The following MMP26 variants were observed in gnomAD, a reference collection of about 807,000 sequenced individuals.
MMP26 encodes the protein matrix metalloproteinase-26.
A neutral mutation model predicts 31.0 loss-of-function variants in MMP26; 33 were observed. The ratio of observed to expected loss-of-function variants is 1.06; its 90% CI spans 0.81 to 1.42. MMP26 has a LOEUF of 1.42. Among genes scored for constraint, MMP26 ranks in the 40% most tolerant of loss-of-function variants. MMP26 has a pLI of 0.00. For missense variants in MMP26, 347 were observed against 316.1 expected, an observed-to-expected ratio of 1.10 and a Z score of -0.74; for synonymous variants, 122 against 114.9, an observed-to-expected ratio of 1.06 and a Z score of -0.40.
chr11:4,915,523 G>T (rs1488085935), intron 2 of MMP26: 6 of 1,614,148 alleles, frequency 3.7e-6, no homozygotes, highest in Non-Finnish European at 5.1e-6. Flanking sequence ...GAATTGTGCA[G>T]TTGCCCGGGA....
intron 2 of MMP26, chr11:4,924,363 A>C (rs1486150172): frequency 1.3e-6 from 2 of 1,561,948 alleles, no homozygotes; most frequent in South Asian, 2.5e-5. Flanking sequence ...TGGACTCAGA[A>C]ACCTGGAATA....
At chr11:4,882,108 C>A in intron 2 of MMP26, 2 of 1,613,980 alleles carry the variant, frequency 1.2e-6, no homozygotes, top group Non-Finnish European at 1.7e-6. Context: ...ATGCTGGCAG[C>A]TGTTGATCTA....
chr11:4,875,836 A>C (rs1850371726), intron 2 of MMP26: 1 of 152,118 alleles, frequency 6.6e-6, no homozygotes, highest in African/African-American at 2.4e-5. Flanking sequence ...TTCCTACCAC[A>C]GTAGGTCTTT....
chr11:4,739,320 G>A (rs1318902272), intron 1 of MMP26, among the ~76,000 whole-genome samples: 2 of 152,236 alleles, frequency 1.3e-5, no homozygotes, highest in African/African-American at 2.4e-5. Flanking sequence ...TTATTGCCAT[G>A]CAGGTGAGGT....
intron 2 of MMP26, among the ~76,000 whole-genome samples, chr11:4,863,166 C>T (rs970075912): frequency 2.0e-5 from 3 of 152,058 alleles, no homozygotes; most frequent in Non-Finnish European, 4.4e-5. Flanking sequence ...CTTGTTTACC[C>T]CTGCTGTTTT....
chr11:4,921,266 A>G (rs1466629843), intron 2 of MMP26, among the ~76,000 whole-genome samples: 2 of 152,206 alleles, frequency 1.3e-5, no homozygotes, highest in Non-Finnish European at 2.9e-5. Flanking sequence ...TGCTATAACC[A>G]AGTTGTCCCA....
At chr11:4,742,813 A>G (rs11033664) in intron 1 of MMP26, among the ~76,000 whole-genome samples, 13,710 of 152,182 alleles carry the variant, frequency 0.09, 1,598 homozygotes, top group African/African-American at 0.28. Context: ...GAAACCTACC[A>G]TTGATAGAAT....
At chr11:4,874,596 A>T (rs1037898658) in intron 2 of MMP26, among the ~76,000 whole-genome samples, 8 of 120,794 alleles carry the variant, frequency 6.6e-5, no homozygotes, top group African/African-American at 2.3e-4. Flanking sequence ...GTGCATTCTT[A>T]ACTGGGAGAC....
intron 1 of MMP26, among the ~76,000 whole-genome samples, chr11:4,766,309 A>G (rs1848628093): frequency 6.6e-6 from 1 of 152,184 alleles, no homozygotes; most frequent in African/African-American, 2.4e-5. Context: ...AGTGGTGGAA[A>G]TGATTGTTCT....
intron 2 of MMP26, among the ~76,000 whole-genome samples, chr11:4,768,249 TGTGATAAATTAGCAA>T (rs1405103212): frequency 2.6e-5 from 4 of 152,224 alleles, no homozygotes; most frequent in Non-Finnish European, 5.9e-5. Context: ...TCCCATTCCC[TGTGATAAATTAGCAA>T]GTGTGCCTCA....
At chr11:4,913,944 C>T (rs1488572903) in intron 2 of MMP26, 1 of 152,162 alleles carries the variant, frequency 6.6e-6, no homozygotes, top group African/African-American at 2.4e-5. Flanking sequence ...AAGACAACTC[C>T]CAAACCAATT....
chr11:4,858,628 A>G (rs1304303308), intron 2 of MMP26, among the ~76,000 whole-genome samples: 1 of 152,222 alleles, frequency 6.6e-6, no homozygotes, highest in African/African-American at 2.4e-5. Context: ...AATTAATATC[A>G]TAAAAATGGC....
chr11:4,891,677 A>G (rs898946506), intron 2 of MMP26, among the ~76,000 whole-genome samples: 1 of 152,188 alleles, frequency 6.6e-6, no homozygotes. Flanking sequence ...ACCTTTTTGT[A>G]TGATAATGAT....
chr11:4,919,867 T>C (rs1851155652), intron 2 of MMP26, among the ~76,000 whole-genome samples: 2 of 152,200 alleles, frequency 1.3e-5, no homozygotes, highest in South Asian at 4.1e-4. Context: ...GATTTCTGCA[T>C]ACTCTTAGGG....
chr11:4,705,602 A>G (rs954963304), intron 1 of MMP26, among the ~76,000 whole-genome samples: 1 of 152,200 alleles, frequency 6.6e-6, no homozygotes, highest in African/African-American at 2.4e-5. Flanking sequence ...AGAGACACTT[A>G]AAGAGAACTG....
chr11:4,744,077 A>T (rs749863874), intron 1 of MMP26, among the ~76,000 whole-genome samples: 4 of 152,122 alleles, frequency 2.6e-5, no homozygotes, highest in Non-Finnish European at 5.9e-5. Flanking sequence ...TGGGATTAAA[A>T]GTGTGAGCCA....
intron 2 of MMP26, among the ~76,000 whole-genome samples, chr11:4,856,074 A>C (rs1181363562): frequency 6.6e-6 from 1 of 152,246 alleles, no homozygotes; most frequent in Non-Finnish European, 1.5e-5. Flanking sequence ...CGAAGGAAGC[A>C]CTAAACATGG....
intron 2 of MMP26, among the ~76,000 whole-genome samples, chr11:4,770,204 T>C (rs2133421588): frequency 6.6e-6 from 1 of 152,310 alleles, no homozygotes; most frequent in South Asian, 2.1e-4. Flanking sequence ...ATTTACAGAA[T>C]ATATTAAGAT....
chr11:4,752,738 T>C (rs1023256613), intron 1 of MMP26: 1 of 152,380 alleles, frequency 6.6e-6, no homozygotes. Flanking sequence ...TTCCCAGCAC[T>C]GTCACCAGTG....
Sources: allele counts gnomAD v4.1 joint callset (sites outside exome capture counted in the v4.1 genomes callset), GRCh38; gene constraint gnomAD v4.1.1; transcripts MANE v1.5; gene names NCBI Gene and HGNC (gene_info 2026-07-23, HGNC 2026-07-21).